SRBD1: variants seen among roughly 807,000 people sequenced by gnomAD.
SRBD1 encodes the protein S1 RNA binding domain 1.
In SRBD1, 88 loss-of-function variants were observed where a neutral mutation model predicts 115.3. That is an observed-to-expected ratio of 0.76 (90% CI 0.64 to 0.91). The LOEUF is 0.91. Among genes scored for constraint, SRBD1 ranks in the 40% least tolerant of loss-of-function variants. The pLI is 0.00. For missense variants in SRBD1, 1,385 were observed against 1,177.4 expected (o/e 1.18, Z -2.58); for synonymous variants, 509 against 407.7 (o/e 1.25, Z -2.99).
In SRBD1 at chr2:45,551,263, C is replaced by T; in HGVS notation, c.1537G>A (p.Ala513Thr). Residue 513 changes from alanine (A) to threonine (T), a missense_variant, in exon 12 of 21, where the codon GCA becomes ACA. Transcript: ENST00000263736. ...AACATCATTACTGATTCCTTCTCTG[C>T]ATCTGATGTTAGTTTGGCTCTTTAG... ...REFRAKLTSDAEKESVMMFGR... is the reference protein window; with the variant it reads ...REFRAKLTSDTEKESVMMFGR... 6.3e-7 allele frequency: 1 copy of T among 1,599,964 alleles called. No homozygotes were observed. The highest frequency in any genetic ancestry group is 8.5e-7 in the Non-Finnish European group (1 of 1,177,168).
intron 14 of SRBD1, among the ~76,000 whole-genome samples, chr2:45,497,092 T>C (rs1398271058): frequency 2.6e-5 from 4 of 152,240 alleles, no homozygotes; most frequent in Non-Finnish European, 4.4e-5. Context: ...GACTCTGCTA[T>C]ATTACACTGT....
intron 3 of SRBD1, 108 bp from the exon 4 acceptor site, chr2:45,599,943 T>C (rs1357651884): frequency 3.9e-6 from 5 of 1,266,764 alleles, no homozygotes; most frequent in Non-Finnish European, 5.3e-6. Flanking sequence ...CACAATAACT[T>C]GGAAGAATCT....
chr2:45,473,442 T>G (rs1311325959), intron 16 of SRBD1, among the ~76,000 whole-genome samples: 2 of 152,210 alleles, frequency 1.3e-5, no homozygotes, highest in Non-Finnish European at 2.9e-5. Flanking sequence ...CCATGTTATG[T>G]CTTTCCCTTC....
intron 12 of SRBD1, chr2:45,548,856 T>C (rs728327): frequency 0.68 from 103,161 of 152,112 alleles, 35,503 homozygotes; most frequent in African/African-American, 0.77. Flanking sequence ...ACCCCCACCC[T>C]CCAAAAAAGC....
chr2:45,513,761 T>C (rs1209708961), intron 14 of SRBD1, among the ~76,000 whole-genome samples: 1 of 150,108 alleles, frequency 6.7e-6, no homozygotes, highest in South Asian at 2.2e-4. Context: ...TTAATCTGAA[T>C]GTAAATTCGG....
chr2:45,399,366 T>A (rs985625820), intron 19 of SRBD1, among the ~76,000 whole-genome samples: 1 of 152,190 alleles, frequency 6.6e-6, no homozygotes, highest in African/African-American at 2.4e-5. Flanking sequence ...AATGACAGTA[T>A]AAAATAGTCT....
At chr2:45,556,319 T>A (rs1672474483) in intron 10 of SRBD1, among the ~76,000 whole-genome samples, 1 of 151,968 alleles carries the variant, frequency 6.6e-6, no homozygotes, top group Admixed American at 6.6e-5. Context: ...TAAACAAATG[T>A]ATGGCACAAT....
At chr2:45,483,910 T>A (rs1670039897) in intron 15 of SRBD1, among the ~76,000 whole-genome samples, 3 of 152,078 alleles carry the variant, frequency 2.0e-5, no homozygotes, top group African/African-American at 4.8e-5. Flanking sequence ...CTGAAAAAAA[T>A]TTTCTGTATC....
At chr2:45,525,796 A>T (rs575433321) in intron 14 of SRBD1, among the ~76,000 whole-genome samples, 19 of 151,460 alleles carry the variant, frequency 1.3e-4, no homozygotes, top group Non-Finnish European at 1.9e-4. Context: ...GGTTCTAAAA[A>T]TAAATGAGCA....
At chr2:45,586,331 G>C (rs1265460270) in intron 4 of SRBD1, among the ~76,000 whole-genome samples, 3 of 152,016 alleles carry the variant, frequency 2.0e-5, no homozygotes, top group Admixed American at 6.6e-5. Flanking sequence ...GTTTACAATG[G>C]AGGAACTGGA....
At chr2:45,591,279 G>A (rs989640205) in intron 4 of SRBD1, among the ~76,000 whole-genome samples, 3 of 152,108 alleles carry the variant, frequency 2.0e-5, no homozygotes, top group African/African-American at 4.8e-5. Flanking sequence ...CCCCACCCAG[G>A]AACTGACTCA....
intron 16 of SRBD1, among the ~76,000 whole-genome samples, chr2:45,449,776 G>C (rs1668936680): frequency 6.6e-6 from 1 of 152,200 alleles, no homozygotes; most frequent in Non-Finnish European, 1.5e-5. Context: ...AGCTATCTAA[G>C]AGTAAAGCCG....
At chr2:45,533,002 C>T (rs996205768) in intron 14 of SRBD1, among the ~76,000 whole-genome samples, 4 of 151,926 alleles carry the variant, frequency 2.6e-5, no homozygotes, top group African/African-American at 9.7e-5. Flanking sequence ...TCTTCACAAC[C>T]CAGTTTAAGA....
At position 45,521,941 on chromosome 2, in the gene SRBD1, C is replaced by G. The variant is rs567204405; in HGVS notation, c.1874+24791G>C. Among the ~76,000 whole-genome samples, 78 of 151,394 alleles carry G rather than the reference C, an allele frequency of 5.2e-4. 1 individual carries two copies. Among genetic ancestry groups the G allele is most frequent in the African/African-American group, 1.8e-3 (76 of 41,186 alleles). On this transcript the variant is annotated intron_variant, in intron 14 of 20. Coordinates refer to ENST00000263736, the MANE Select transcript of SRBD1 (RefSeq NM_018079.5). ...CATGATCATGCCACTGCACTCTAGC[C>G]TGGATGACAGAGCAACATCCTATCT...
At chr2:45,501,607 C>A (rs1324158222) in intron 14 of SRBD1, among the ~76,000 whole-genome samples, 1 of 152,160 alleles carries the variant, frequency 6.6e-6, no homozygotes, top group East Asian at 1.9e-4. Context: ...CGTGCTTTTC[C>A]AATGGTCTTA....
chr2:45,466,227 G>A (rs1669484309), intron 16 of SRBD1, among the ~76,000 whole-genome samples: 1 of 152,100 alleles, frequency 6.6e-6, no homozygotes, highest in Admixed American at 6.6e-5. Flanking sequence ...GAAATGTAGG[G>A]GAACAACTCC....
intron 4 of SRBD1, among the ~76,000 whole-genome samples, chr2:45,589,029 G>C (rs920287161): frequency 2.0e-5 from 3 of 152,148 alleles, no homozygotes; most frequent in South Asian, 4.1e-4. Flanking sequence ...TAAAATGTCT[G>C]TTCCCTCCCC....
intron 4 of SRBD1, among the ~76,000 whole-genome samples, 182 bp from the exon 5 acceptor site, chr2:45,585,956 T>C (rs183779188): frequency 9.1e-4 from 139 of 152,294 alleles, no homozygotes; most frequent in African/African-American, 3.1e-3. Context: ...AATGGTAAAA[T>C]AGCCATTTCA....
At chr2:45,392,601 TACC>T (rs1244935105) in intron 20 of SRBD1, among the ~76,000 whole-genome samples, 1 of 152,226 alleles carries the variant, frequency 6.6e-6, no homozygotes, top group African/African-American at 2.4e-5. Context: ...GGGACTGCTT[TACC>T]TTGCACTTCT....
Sources: gnomAD v4.1 joint callset for allele counts (sites outside exome capture counted in the v4.1 genomes callset) on GRCh38, gnomAD v4.1.1 for gene constraint, MANE v1.5 for transcripts, NCBI Gene and HGNC (gene_info 2026-07-23, HGNC 2026-07-21) for gene names.